Variants in POU6F2 observed in about 807,000 individuals in gnomAD.
POU6F2 encodes the protein POU class 6 homeobox 2.
Under a neutral mutation model 71.3 loss-of-function variants are expected in POU6F2, and 31 were observed. The observed-to-expected ratio is 0.43, with a 90% confidence interval of 0.33 to 0.59. The LOEUF is 0.59. POU6F2 is among the 20% of genes least tolerant of loss of function. The probability of loss-of-function intolerance (pLI) is 0.04; values close to 1 mark genes in which losing one functional copy is unlikely to be tolerated. For synonymous variants in POU6F2, 347 were observed against 355.7 expected (o/e 0.98, Z 0.27); for missense variants, 783 against 856.8 (o/e 0.91, Z 1.07).
At chr7:39,286,000 C>A (rs1025872944) in intron 4 of POU6F2, among the ~76,000 whole-genome samples, 1 of 152,198 alleles carries the variant, frequency 6.6e-6, no homozygotes, top group Non-Finnish European at 1.5e-5. Context: ...AATTAGTGAG[C>A]AAAAGGGTGA....
chr7:39,382,912 G>GA (rs1440085530), intron 5 of POU6F2, among the ~76,000 whole-genome samples: 1 of 152,164 alleles, frequency 6.6e-6, no homozygotes, highest in East Asian at 1.9e-4. Context: ...GAGTCATCAA[G>GA]AAAATGAGGA....
chr7:39,153,203 AT>A (rs1183572406), intron 2 of POU6F2, among the ~76,000 whole-genome samples: 1 of 151,980 alleles, frequency 6.6e-6, no homozygotes, highest in African/African-American at 2.4e-5. Context: ...ATATATATAT[AT>A]TATTATGAAG....
intron 5 of POU6F2, among the ~76,000 whole-genome samples, chr7:39,366,666 C>T (rs1050683367): frequency 3.9e-5 from 6 of 152,020 alleles, no homozygotes; most frequent in Admixed American, 2.0e-4. Context: ...GCAGCGTCCT[C>T]GGGACAGCCA....
intron 1 of POU6F2, among the ~76,000 whole-genome samples, chr7:39,020,843 G>A (rs1008349791): frequency 6.6e-6 from 1 of 151,762 alleles, no homozygotes; most frequent in Non-Finnish European, 1.5e-5. Context: ...TTATAAAAAT[G>A]AAATATCCCA....
chr7:39,119,359 ATAAT>A (rs1176861212), intron 2 of POU6F2, among the ~76,000 whole-genome samples: 1 of 152,250 alleles, frequency 6.6e-6, no homozygotes, highest in Non-Finnish European at 1.5e-5. Flanking sequence ...ACTGTCAGAA[ATAAT>A]TAAATATCAC....
At chr7:39,172,277 T>A (rs956838371) in intron 2 of POU6F2, among the ~76,000 whole-genome samples, 2 of 152,206 alleles carry the variant, frequency 1.3e-5, no homozygotes, top group Non-Finnish European at 2.9e-5. Flanking sequence ...TTACTTAACA[T>A]TCCAGCTCAC....
At chr7:39,284,462 C>T (rs190187097) in intron 4 of POU6F2, among the ~76,000 whole-genome samples, 161 of 152,296 alleles carry the variant, frequency 1.1e-3, no homozygotes, top group African/African-American at 3.7e-3. Context: ...TTTCTCCTGA[C>T]AGGTTATTAT....
intron 1 of POU6F2, among the ~76,000 whole-genome samples, chr7:39,038,240 AC>A (rs1484514076): frequency 4.0e-5 from 6 of 151,802 alleles, no homozygotes; most frequent in African/African-American, 1.2e-4. Context: ...TTTTTGACGT[AC>A]CCTTTTCTTT....
intron 2 of POU6F2, among the ~76,000 whole-genome samples, chr7:39,146,739 C>T (rs548506441): frequency 6.6e-6 from 1 of 152,098 alleles, no homozygotes; most frequent in Non-Finnish European, 1.5e-5. Flanking sequence ...TATTTTATTT[C>T]TGATTCTCAT....
intron 7 of POU6F2, among the ~76,000 whole-genome samples, chr7:39,448,325 A>G (rs1284949073): frequency 6.6e-6 from 1 of 152,202 alleles, no homozygotes; most frequent in Non-Finnish European, 1.5e-5. Flanking sequence ...AATGAAACCT[A>G]TGGGCTCCAT....
intron 2 of POU6F2, among the ~76,000 whole-genome samples, chr7:39,149,589 T>C (rs1417474246): frequency 6.6e-6 from 1 of 152,202 alleles, no homozygotes; most frequent in Non-Finnish European, 1.5e-5. Context: ...TTAACTTTAG[T>C]CCTCACGTTG....
intron 5 of POU6F2, among the ~76,000 whole-genome samples, chr7:39,358,293 A>G (rs763682707): frequency 6.6e-6 from 1 of 152,146 alleles, no homozygotes; most frequent in Non-Finnish European, 1.5e-5. Flanking sequence ...GAAAAAGAAT[A>G]ATGTGGGTGG....
chr7:39,283,463 T>C (rs1784600258), intron 4 of POU6F2, among the ~76,000 whole-genome samples: 1 of 152,212 alleles, frequency 6.6e-6, no homozygotes. Context: ...ACCACCATTC[T>C]ACTTTCTGTC....
chr7:39,381,290 C>T (rs919195836), intron 5 of POU6F2, among the ~76,000 whole-genome samples: 16 of 152,152 alleles, frequency 1.1e-4, no homozygotes, highest in Admixed American at 8.5e-4. Context: ...CCAGCTGGAG[C>T]GCAGTAGCAC....
intron 2 of POU6F2, among the ~76,000 whole-genome samples, chr7:39,202,527 T>C (rs1373028069): frequency 6.6e-6 from 1 of 152,186 alleles, no homozygotes; most frequent in Non-Finnish European, 1.5e-5. Context: ...AAAACATCAC[T>C]TTGAAACCTC....
intron 4 of POU6F2, among the ~76,000 whole-genome samples, chr7:39,297,158 A>G (rs1300826784): frequency 6.8e-6 from 1 of 146,912 alleles, no homozygotes; most frequent in Non-Finnish European, 1.5e-5. Context: ...TTTATGCCTA[A>G]TTATTTTAAT....
intron 1 of POU6F2, among the ~76,000 whole-genome samples, chr7:39,012,813 G>A (rs1428145557): frequency 6.6e-6 from 1 of 151,590 alleles, no homozygotes; most frequent in Non-Finnish European, 1.5e-5. Flanking sequence ...CCCTGCTGGG[G>A]GGTGCCTCCC....
At chr7:39,381,457 G>C (rs1786827556) in intron 5 of POU6F2, among the ~76,000 whole-genome samples, 1 of 152,022 alleles carries the variant, frequency 6.6e-6, no homozygotes, top group East Asian at 1.9e-4. Flanking sequence ...GCCCAGGCTG[G>C]TGTCAAACAC....
intron 4 of POU6F2, among the ~76,000 whole-genome samples, chr7:39,270,835 T>A (rs968399527): frequency 6.6e-6 from 1 of 152,188 alleles, no homozygotes; most frequent in Non-Finnish European, 1.5e-5. Context: ...TGGCCCCAAT[T>A]AGTGACATAA....
Sources: gnomAD v4.1 joint callset for allele counts (sites outside exome capture counted in the v4.1 genomes callset) on GRCh38, gnomAD v4.1.1 for gene constraint, MANE v1.5 for transcripts, NCBI Gene and HGNC (gene_info 2026-07-23, HGNC 2026-07-21) for gene names.